Variants in CLIP1 observed in about 807,000 individuals in gnomAD.
The protein encoded by CLIP1 is CAP-Gly domain-containing linker protein 1.
In CLIP1, 66 loss-of-function variants were observed where a neutral mutation model predicts 161.6. The ratio of observed to expected loss-of-function variants is 0.41; its 90% CI spans 0.33 to 0.50. The LOEUF (loss-of-function observed/expected upper bound fraction) is 0.50. Among genes scored for constraint, CLIP1 ranks in the 20% least tolerant of loss-of-function variants. CLIP1 has a pLI of 0.27. For missense variants in CLIP1, 1,376 were observed against 1,702.0 expected (o/e 0.81, Z 3.37); for synonymous variants, 598 against 626.2 (o/e 0.96, Z 0.67).
At chr12:122,420,357 AAG>A (rs1956899942) in intron 1 of CLIP1, among the ~76,000 whole-genome samples, 1 of 152,090 alleles carries the variant, frequency 6.6e-6, no homozygotes. Flanking sequence ...AAAAAAAAAA[AAG>A]AGATAAGGAT....
intron 1 of CLIP1, among the ~76,000 whole-genome samples, chr12:122,395,041 A>C (rs1230839463): frequency 6.6e-6 from 1 of 152,132 alleles, no homozygotes; most frequent in Non-Finnish European, 1.5e-5. Flanking sequence ...CTGAATTGAG[A>C]CCTCTGGGTC....
chr12:122,273,137 A>C, intron 25 of CLIP1, 37 bp from the exon 26 acceptor site: 1 of 1,571,142 alleles, frequency 6.4e-7, no homozygotes, highest in Non-Finnish European at 8.7e-7. Flanking sequence ...AAAATTTATC[A>C]GAAGAAACTG....
Position 122,380,582 on chromosome 12 carries a change from G to T in CLIP1, c.-106-24C>A, listed in dbSNP as rs80059195. On this transcript the variant is annotated intron_variant, in intron 1 of 25. Transcript: ENST00000620786. The stretch of plus-strand genomic sequence containing the variant: ...ATCTGCAAAGAGAAAGAAATAAAAA[G>T]ATTTTATAATCTACAGGAGCAAGTA... 4,534 of 524,628 alleles carry T rather than the reference G, an allele frequency of 8.6e-3. 133 individuals are homozygous for T. Among genetic ancestry groups the T allele is most frequent in the African/African-American group, 0.069 (3,513 of 51,218 alleles). 32.5% of individuals were successfully genotyped at this position (524,628 alleles called of 1,614,324 possible).
At chr12:122,283,111 C>T (rs973779377) in intron 21 of CLIP1, among the ~76,000 whole-genome samples, 1 of 152,188 alleles carries the variant, frequency 6.6e-6, no homozygotes, top group Non-Finnish European at 1.5e-5. Flanking sequence ...GGAGCCCCTT[C>T]TTTGACACTA....
chr12:122,332,223 A>C lies in CLIP1; in HGVS notation c.2867+764T>G, dbSNP rs542145366. On this transcript the variant is annotated intron_variant, in intron 15 of 25. Transcript: ENST00000620786. ...AGCAGGAGAATTGCTTGAACCCAGG[A>C]GGCGGAGGTTGTGGTGAGCTGAGAT... 5.4e-5 allele frequency among the ~76,000 whole-genome samples: 8 copies of C among 149,244 alleles called. No individual in the cohort carries two copies. In the East Asian group the frequency reaches 1.6e-3, roughly 30 times the overall value.
intron 3 of CLIP1, chr12:122,365,735 C>T: frequency 3.2e-6 from 2 of 632,052 alleles, no homozygotes; most frequent in Non-Finnish European, 5.5e-6. Flanking sequence ...TGGCTGGGCA[C>T]AGTGGTTCAT....
At chr12:122,372,229 T>G (rs1954487446) in intron 3 of CLIP1, among the ~76,000 whole-genome samples, 1 of 152,066 alleles carries the variant, frequency 6.6e-6, no homozygotes, top group African/African-American at 2.4e-5. Flanking sequence ...AAGACCAGCC[T>G]GACCAACATG....
intron 5 of CLIP1, among the ~76,000 whole-genome samples, chr12:122,357,568 GCC>G (rs371070482): frequency 7.7e-5 from 10 of 129,612 alleles, no homozygotes; most frequent in Admixed American, 1.4e-4. Context: ...GGGGGGGTCA[GCC>G]CCCCCCGCCC....
intron 19 of CLIP1, among the ~76,000 whole-genome samples, chr12:122,315,871 G>C (rs1951246393): frequency 6.6e-6 from 1 of 151,840 alleles, no homozygotes; most frequent in Non-Finnish European, 1.5e-5. Flanking sequence ...TCAATCTCCT[G>C]ACTTCGTGCT....
At chr12:122,317,000 T>TCAAAAA in intron 18 of CLIP1, 145 bp from the exon 19 acceptor site, 1 of 584,032 alleles carries the variant, frequency 1.7e-6, no homozygotes. Context: ...GTGAAGAGAT[T>TCAAAAA]ACAGATGACA....
In CLIP1 at chr12:122,341,762, C is replaced by CCT. The variant is rs1566143047; in HGVS notation, c.1507-66_1507-65insAG. ...AACAAGTCATTGACTATTTTCTTTT[C>CCT]TTTTTTTTTTTTTTTTTTTTTTTTT... On this transcript the variant is annotated intron_variant, in intron 10 of 25. Transcript: ENST00000620786. 1.2e-3 allele frequency: 121 copies of CCT among 98,638 alleles called. 6 individuals carry two copies. The highest frequency in any genetic ancestry group is 0.01 in the East Asian group (59 of 5,770). The allele number at this position is 98,638 out of a possible 1,614,324, so 6.1% of individuals were successfully genotyped here. A position where few individuals can be genotyped will look rare whatever the true frequency, so the allele number is the denominator to read the frequency against.
Position 122,341,568 on chromosome 12 carries a change from G to T in CLIP1, c.1636C>A (p.Leu546Ile), listed in dbSNP as rs761072099. Residue 546 changes from leucine (L) to isoleucine (I), a missense_variant, in exon 11 of 26, where the codon CTT (leucine) becomes ATT (isoleucine). Transcript: ENST00000620786. ...GAGCTTATCTCTTGCAAAAGGGAAA[G>T]TGACATGTCCACATCCCCAGCAGGC... ...NKPAGDVDMS[L>I]SLLQEISSLQ... 5.6e-6 allele frequency: 9 copies of T among 1,613,880 alleles called. No individual in the cohort carries two copies. The African/African-American group carries it at 1.2e-4, about 22-fold the overall frequency.
chr12:122,358,141 C>T (rs1312227668), intron 5 of CLIP1, among the ~76,000 whole-genome samples: 2 of 151,912 alleles, frequency 1.3e-5, no homozygotes, highest in African/African-American at 4.8e-5. Context: ...GACCTTACCC[C>T]CAACCCTGTG....
At chr12:122,287,772 T>C (rs1214299128) in intron 21 of CLIP1, among the ~76,000 whole-genome samples, 1 of 152,176 alleles carries the variant, frequency 6.6e-6, no homozygotes, top group Non-Finnish European at 1.5e-5. Flanking sequence ...AGAAAGCCTT[T>C]TAAAGCAAAT....
chr12:122,357,843 C>T (rs1334945039), intron 5 of CLIP1, among the ~76,000 whole-genome samples: 3 of 151,246 alleles, frequency 2.0e-5, no homozygotes, highest in South Asian at 2.1e-4. Context: ...CCCGGCCAGC[C>T]GCCCCGCCTG....
intron 1 of CLIP1, among the ~76,000 whole-genome samples, chr12:122,416,478 A>G (rs1956760403): frequency 6.6e-6 from 1 of 152,184 alleles, no homozygotes; most frequent in African/African-American, 2.4e-5. Context: ...AACATGACAT[A>G]GTCAGCACAG....
At chr12:122,369,301 C>T (rs980558156) in intron 3 of CLIP1, among the ~76,000 whole-genome samples, 4 of 152,062 alleles carry the variant, frequency 2.6e-5, no homozygotes, top group African/African-American at 7.2e-5. Flanking sequence ...GGATTACAGA[C>T]GTGAGCCACC....
intron 19 of CLIP1, among the ~76,000 whole-genome samples, chr12:122,314,016 G>A (rs1425928013): frequency 6.6e-6 from 1 of 152,142 alleles, no homozygotes; most frequent in Admixed American, 6.6e-5. Flanking sequence ...AAAATGGCCA[G>A]GCGCAGTGGC....
intron 20 of CLIP1, among the ~76,000 whole-genome samples, chr12:122,309,530 T>G (rs1450857986): frequency 6.6e-6 from 1 of 152,210 alleles, no homozygotes; most frequent in Non-Finnish European, 1.5e-5. Flanking sequence ...TCTACTTGCT[T>G]GCAAGTTCCA....
Sources: allele counts gnomAD v4.1 joint callset (sites outside exome capture counted in the v4.1 genomes callset), GRCh38; gene constraint gnomAD v4.1.1; transcripts MANE v1.5; gene names NCBI Gene and HGNC (gene_info 2026-07-23, HGNC 2026-07-21).